The following CHEK2 variants were observed in gnomAD, a reference collection of about 807,000 sequenced individuals.
The protein encoded by CHEK2 is serine/threonine-protein kinase Chk2.
Under a neutral mutation model 69.1 loss-of-function variants are expected in CHEK2, and 71 were observed. The ratio of observed to expected loss-of-function variants is 1.03; its 90% CI spans 0.85 to 1.25. CHEK2 has a LOEUF of 1.25. Among genes scored for constraint, CHEK2 ranks in the 50% most tolerant of loss-of-function variants. The probability of loss-of-function intolerance (pLI) is 0.00; values close to 1 mark genes in which losing one functional copy is unlikely to be tolerated. For missense variants in CHEK2, 664 were observed against 649.6 expected (o/e 1.02, Z -0.24); for synonymous variants, 189 against 226.9 (o/e 0.83, Z 1.50).
chr22:28,693,191 G>A (rs1265643538), intron 13 of CHEK2, among the ~76,000 whole-genome samples: 1 of 152,074 alleles, frequency 6.6e-6, no homozygotes, highest in Non-Finnish European at 1.5e-5. Flanking sequence ...CCAATGCCGT[G>A]GCTAATTCTA....
chr22:28,699,058 G>A (rs528284236), intron 9 of CHEK2, among the ~76,000 whole-genome samples: 6 of 152,086 alleles, frequency 3.9e-5, no homozygotes, highest in African/African-American at 7.2e-5. Flanking sequence ...AGACTGGAGC[G>A]CAGTGGCATG....
intron 1 of CHEK2, among the ~76,000 whole-genome samples, chr22:28,739,259 G>A (rs894691821): frequency 6.6e-6 from 1 of 152,096 alleles, no homozygotes; most frequent in African/African-American, 2.4e-5. Flanking sequence ...CTAGGTGACA[G>A]AGTGAGATTC....
chr22:28,735,040 C>A (rs1228181872), intron 1 of CHEK2, among the ~76,000 whole-genome samples: 1 of 152,086 alleles, frequency 6.6e-6, no homozygotes, highest in African/African-American at 2.4e-5. Context: ...TAAAAGCTTA[C>A]ATTTGTCCAA....
chr22:28,740,774 T>C (rs1013871067), intron 1 of CHEK2, among the ~76,000 whole-genome samples: 3 of 152,216 alleles, frequency 2.0e-5, no homozygotes, highest in African/African-American at 7.2e-5. Flanking sequence ...GACCTGGTTA[T>C]GTCTGACCTT....
intron 1 of CHEK2, among the ~76,000 whole-genome samples, chr22:28,736,476 C>A (rs1273984546): frequency 2.0e-5 from 3 of 152,220 alleles, no homozygotes; most frequent in Non-Finnish European, 4.4e-5. Flanking sequence ...CAGCTCTTAA[C>A]AACTCCACCT....
At chr22:28,702,127 G>C (rs1458532780) in intron 8 of CHEK2, among the ~76,000 whole-genome samples, 1 of 105,334 alleles carries the variant, frequency 9.5e-6, no homozygotes, top group African/African-American at 3.8e-5. Flanking sequence ...AATTTTGTGT[G>C]TGTGTGTCTG....
chr22:28,715,132 G>T (rs1034319593), intron 5 of CHEK2, among the ~76,000 whole-genome samples: 1 of 152,190 alleles, frequency 6.6e-6, no homozygotes, highest in Admixed American at 6.5e-5. Flanking sequence ...TTGGGAGACA[G>T]ACTTCTCTCT....
chr22:28,702,249 T>A (rs199774961), intron 8 of CHEK2, among the ~76,000 whole-genome samples: 1 of 144,460 alleles, frequency 6.9e-6, no homozygotes. Context: ...TTTTTTTTAA[T>A]TTTTTTTGAA....
chr22:28,707,001 CTTGGTTCTGG>C (rs2053179280), intron 7 of CHEK2, among the ~76,000 whole-genome samples: 1 of 152,150 alleles, frequency 6.6e-6, no homozygotes, highest in Admixed American at 6.5e-5. Context: ...AAGGGAACTG[CTTGGTTCTGG>C]TTGGCTTCAT....
chr22:28,718,252 C>T (rs2053650669), intron 5 of CHEK2, among the ~76,000 whole-genome samples: 1 of 152,128 alleles, frequency 6.6e-6, no homozygotes, highest in African/African-American at 2.4e-5. Context: ...GTTAGAATGG[C>T]TATTATCAAA....
intron 8 of CHEK2, among the ~76,000 whole-genome samples, chr22:28,702,129 G>GTGTC: frequency 9.3e-6 from 1 of 107,456 alleles, no homozygotes. Context: ...TTTTGTGTGT[G>GTGTC]TGTGTCTGTG....
At chr22:28,707,171 G>A (rs1223457362) in intron 7 of CHEK2, among the ~76,000 whole-genome samples, 2 of 152,126 alleles carry the variant, frequency 1.3e-5, no homozygotes, top group African/African-American at 4.8e-5. Flanking sequence ...ACAGCTAAAA[G>A]GGTCTCTCTA....
intron 1 of CHEK2, among the ~76,000 whole-genome samples, chr22:28,735,416 A>C (rs958076303): frequency 5.3e-5 from 8 of 151,540 alleles, no homozygotes; most frequent in Non-Finnish European, 7.4e-5. Context: ...AAAAAAAAAA[A>C]CTCATATATA....
chr22:28,726,065 G>A (rs937021952), intron 2 of CHEK2, among the ~76,000 whole-genome samples: 16 of 152,090 alleles, frequency 1.1e-4, no homozygotes, highest in East Asian at 7.7e-4. Context: ...TTAGCTGGGC[G>A]TGGTGGCGGG....
rs1555932082 is a variant in CHEK2, at chr22:28,734,417, C to A, written c.305G>T (p.Gly102Val). ...AAGGGTCTTACCAAGATTGGCAAAT[C>A]CATCCTGAAGGGCCCATAATCGAGC... ...PWARLWALQD[G>V]FANLECVNDN... The change falls in exon 2 of 15, where the codon GGA becomes GTA. Residue 102 changes from glycine to valine, a missense_variant. Coordinates refer to ENST00000404276, the MANE Select transcript of CHEK2 (RefSeq NM_007194.4). 4 of 1,613,908 alleles carry A rather than the reference C, an allele frequency of 2.5e-6. No individual in the cohort carries two copies. The highest frequency in any genetic ancestry group is 2.5e-6 in the Non-Finnish European group (3 of 1,179,892).
chr22:28,725,888 GAC>G (rs1367139802), intron 2 of CHEK2, among the ~76,000 whole-genome samples: 1 of 140,378 alleles, frequency 7.1e-6, no homozygotes, highest in Non-Finnish European at 1.5e-5. Flanking sequence ...TAGCCTGGGC[GAC>G]AGAGTGAGAC....
chr22:28,740,873 A>C (rs538372436), intron 1 of CHEK2, among the ~76,000 whole-genome samples: 2 of 152,172 alleles, frequency 1.3e-5, no homozygotes, highest in Non-Finnish European at 2.9e-5. Flanking sequence ...AATTGAAAAT[A>C]GGCCGGGCGC....
chr22:28,718,064 G>C (rs1258228301), intron 5 of CHEK2, among the ~76,000 whole-genome samples: 2 of 152,174 alleles, frequency 1.3e-5, no homozygotes, highest in African/African-American at 4.8e-5. Flanking sequence ...CTGAGTGACA[G>C]AGTGAAACTC....
At chr22:28,729,782 T>C (rs145385422) in intron 2 of CHEK2, among the ~76,000 whole-genome samples, 43 of 152,212 alleles carry the variant, frequency 2.8e-4, no homozygotes, top group African/African-American at 9.6e-4. Context: ...TTATTTTTAA[T>C]TTAGAGGCAA....
Sources: allele counts gnomAD v4.1 joint callset (sites outside exome capture counted in the v4.1 genomes callset), GRCh38; gene constraint gnomAD v4.1.1; transcripts MANE v1.5; gene names NCBI Gene and HGNC (gene_info 2026-07-23, HGNC 2026-07-21).